The following SCMH1 variants were observed in gnomAD, a reference collection of about 807,000 sequenced individuals.
The protein encoded by SCMH1 is Scm polycomb group protein homolog 1, also known as polycomb protein SCMH1.
SCMH1 carries 37 observed loss-of-function variants against 70.8 expected under a neutral mutation model. That is an observed-to-expected ratio of 0.52 (90% confidence interval 0.40 to 0.69). The LOEUF is 0.69. Among genes scored for constraint, SCMH1 ranks in the 30% least tolerant of loss-of-function variants. The pLI is 0.00. For synonymous variants in SCMH1, 292 were observed against 307.4 expected (o/e 0.95, Z 0.52); for missense variants, 607 against 827.3 (o/e 0.73, Z 3.27).
chr1:41,170,390 C>T (rs768166979), intron 2 of SCMH1, among the ~76,000 whole-genome samples: 2 of 152,116 alleles, frequency 1.3e-5, no homozygotes, highest in Admixed American at 6.6e-5. Flanking sequence ...CCTACCCATT[C>T]GATGAGGATG....
Position 41,168,824 on chromosome 1 carries a change from C to T in SCMH1, c.14-7392G>A, listed in dbSNP as rs1009623439. On this transcript the variant is annotated intron_variant, in intron 2 of 14. Coordinates refer to ENST00000337495, the Ensembl canonical transcript of SCMH1. ...TCTCTGTGTTTATTCAGACTGCTGT[C>T]TCTTTTTTGATGGTCCCCTCGAGCT... Among the ~76,000 whole-genome samples, 9 of 152,212 alleles carry T rather than the reference C, an allele frequency of 5.9e-5. No individual in the cohort carries two copies. In the South Asian group the frequency reaches 1.7e-3, roughly 28 times the overall value.
At chr1:41,072,059 CAT>C (rs917192848) in intron 9 of SCMH1, among the ~76,000 whole-genome samples, 1 of 152,134 alleles carries the variant, frequency 6.6e-6, no homozygotes, top group African/African-American at 2.4e-5. Flanking sequence ...TGCTGGGAGC[CAT>C]ATCAACCTGT....
At chr1:41,166,514 T>C (rs938833864) in intron 2 of SCMH1, among the ~76,000 whole-genome samples, 5 of 152,108 alleles carry the variant, frequency 3.3e-5, no homozygotes, top group African/African-American at 1.2e-4. Context: ...TGTCCTTAAT[T>C]TCCTTCATCA....
intron 10 of SCMH1, among the ~76,000 whole-genome samples, chr1:41,051,700 AAAT>A (rs573836128): frequency 1.8e-3 from 280 of 152,302 alleles, no homozygotes; most frequent in Non-Finnish European, 3.3e-3. Context: ...ATAAAGATAA[AAAT>A]AAAATATTTT....
intron 10 of SCMH1, among the ~76,000 whole-genome samples, chr1:41,067,458 C>CAAAAAAAAAA (rs60607308): frequency 1.2e-4 from 7 of 60,302 alleles, no homozygotes; most frequent in Non-Finnish European, 1.8e-4. Context: ...ACAACAACAA[C>CAAAAAAAAAA]AAAAAAAAAA....
chr1:41,081,832 A>G (rs897548212), intron 8 of SCMH1, among the ~76,000 whole-genome samples: 1 of 146,606 alleles, frequency 6.8e-6, no homozygotes, highest in African/African-American at 2.5e-5. Flanking sequence ...AAAAAAAAAG[A>G]CATATATTAT....
chr1:41,224,611 A>G (rs1361812110), intron 1 of SCMH1, among the ~76,000 whole-genome samples: 1 of 152,206 alleles, frequency 6.6e-6, no homozygotes, highest in Non-Finnish European at 1.5e-5. Flanking sequence ...TTTATAAATA[A>G]CTTAATTCTC....
chr1:41,073,431 C>T (rs1235761769), intron 9 of SCMH1, among the ~76,000 whole-genome samples: 1 of 152,166 alleles, frequency 6.6e-6, no homozygotes, highest in East Asian at 1.9e-4. Flanking sequence ...TCCTTAGGGC[C>T]TTCAGCCTCT....
exon 15 of SCMH1, chr1:41,028,029 C>T: frequency 1.3e-6 from 1 of 776,926 alleles, no homozygotes; most frequent in East Asian, 2.6e-5. Flanking sequence ...CATGGAAGGA[C>T]TTATCATGGC....
chr1:41,028,179 G>A, exon 15 of SCMH1: 1 of 1,613,994 alleles, frequency 6.2e-7, no homozygotes, highest in Non-Finnish European at 8.5e-7. Context: ...GGTTGTCTAG[G>A]CTGCCTCTCC....
intron 1 of SCMH1, among the ~76,000 whole-genome samples, chr1:41,238,029 C>T (rs553842313): frequency 6.6e-6 from 1 of 152,144 alleles, no homozygotes; most frequent in Non-Finnish European, 1.5e-5. Context: ...TTGTGATATC[C>T]TATGAAGTAT....
At chr1:41,084,045 C>A (rs903436071) in intron 8 of SCMH1, among the ~76,000 whole-genome samples, 1 of 152,154 alleles carries the variant, frequency 6.6e-6, no homozygotes, top group Non-Finnish European at 1.5e-5. Flanking sequence ...CTAGGCATTA[C>A]CATTCAGGAC....
At chr1:41,160,249 T>A (rs1342684011) in intron 4 of SCMH1, among the ~76,000 whole-genome samples, 2 of 152,194 alleles carry the variant, frequency 1.3e-5, no homozygotes, top group East Asian at 3.8e-4. Context: ...TCAAAATCTA[T>A]GTAACATATA....
intron 5 of SCMH1, 134 bp downstream of exon 5, chr1:41,151,480 G>A: frequency 1.8e-6 from 1 of 571,204 alleles, no homozygotes; most frequent in East Asian, 3.0e-5. Flanking sequence ...CTTGAGCTGT[G>A]TTCTTCCCAT....
rs540800433 is a variant in SCMH1 at position 41,152,527 on chromosome 1, T to C, written c.107-843A>G. ...GCAGGAACATTTGATACAGACCTCATTGGATCACTAAAGATTATCAAGTTC... is the reference window on the plus strand; with the variant it reads ...GCAGGAACATTTGATACAGACCTCACTGGATCACTAAAGATTATCAAGTTC... On this transcript the variant is annotated intron_variant, in intron 4 of 14. Transcript: ENST00000337495. The C allele has an allele frequency of 9.4e-5, 141 of 1,505,106 alleles. 1 individual carries two copies. In the South Asian group the frequency reaches 9.4e-4, roughly 10 times the overall value. The allele number at this position is 1,505,106 out of a possible 1,614,324, so 93.2% of individuals were successfully genotyped here. A position where few individuals can be genotyped will look rare whatever the true frequency, so the allele number is the denominator to read the frequency against.
intron 2 of SCMH1, among the ~76,000 whole-genome samples, chr1:41,184,963 C>G (rs552222042): frequency 1.3e-5 from 2 of 152,218 alleles, no homozygotes; most frequent in Admixed American, 6.5e-5. Flanking sequence ...AACTATTTGT[C>G]AGTAAAGATT....
At chr1:41,097,913 C>T (rs555437389) in intron 8 of SCMH1, among the ~76,000 whole-genome samples, 17 of 152,298 alleles carry the variant, frequency 1.1e-4, no homozygotes, top group African/African-American at 3.8e-4. Context: ...TTCACCTTGT[C>T]TGATTTCAGT....
At chr1:41,080,191 A>T (rs1659579796) in intron 8 of SCMH1, among the ~76,000 whole-genome samples, 1 of 152,212 alleles carries the variant, frequency 6.6e-6, no homozygotes, top group South Asian at 2.1e-4. Flanking sequence ...AAAAAAACAG[A>T]ATATGAAGAG....
intron 1 of SCMH1, among the ~76,000 whole-genome samples, chr1:41,212,755 C>T (rs1368629955): frequency 6.6e-6 from 1 of 152,198 alleles, no homozygotes; most frequent in Non-Finnish European, 1.5e-5. Flanking sequence ...TCTGTACACA[C>T]AGAGCTTTTT....
Sources: gnomAD v4.1 joint callset for allele counts (sites outside exome capture counted in the v4.1 genomes callset) on GRCh38, gnomAD v4.1.1 for gene constraint, MANE v1.5 for transcripts, NCBI Gene and HGNC (gene_info 2026-07-23, HGNC 2026-07-21) for gene names.